The following SNX15 variants were observed in gnomAD, a reference collection of about 807,000 sequenced individuals.
The protein encoded by SNX15 is sorting nexin-15.
In SNX15, 29 loss-of-function variants were observed where a neutral mutation model predicts 35.2. That is an observed-to-expected ratio of 0.82 (90% CI 0.61 to 1.12). SNX15 has a LOEUF of 1.12. SNX15 is among the 50% of genes most tolerant of loss of function. The probability of loss-of-function intolerance (pLI) is 0.00; values close to 1 mark genes in which losing one functional copy is unlikely to be tolerated. For synonymous variants in SNX15, 189 were observed against 188.2 expected (o/e 1.00, Z -0.03); for missense variants, 400 against 451.5 (o/e 0.89, Z 1.03).
chr11:65,034,333 G>A (rs959519592), intron 3 of SNX15, among the ~76,000 whole-genome samples: 20 of 152,246 alleles, frequency 1.3e-4, no homozygotes, highest in African/African-American at 4.6e-4. Context: ...AGGCGGGAGG[G>A]CGGCTTGATC....
intron 7 of SNX15, among the ~76,000 whole-genome samples, 193 bp downstream of exon 7, chr11:65,039,022 TCTTC>T (rs1946537133): frequency 7.3e-6 from 1 of 137,578 alleles, no homozygotes; most frequent in African/African-American, 2.7e-5. Flanking sequence ...TCAGTTTTCT[TCTTC>T]CTCTTTTTTT....
rs1278608656 is a variant in SNX15 at position 65,040,544 on chromosome 11, G to A, written c.*752G>A. ...AGTGAAAATTATATGAAATTTAAGA[G>A]TCCATAAATAAAATTTGTTGGAACA... On this transcript the variant is annotated 3_prime_UTR_variant, in exon 8 of 8. Coordinates refer to ENST00000377244, the MANE Select transcript of SNX15 (RefSeq NM_013306.5). 1.3e-5 allele frequency: 2 copies of A among 152,174 alleles called. No individual in the cohort carries two copies. The highest frequency in any genetic ancestry group is 4.8e-5 in the African/African-American group (2 of 41,422). The allele number at this position is 152,174 out of a possible 1,614,324, so 9.4% of individuals were successfully genotyped here.
chr11:65,031,258 A>C (rs1187442855), intron 1 of SNX15, among the ~76,000 whole-genome samples: 1 of 152,158 alleles, frequency 6.6e-6, no homozygotes, highest in Non-Finnish European at 1.5e-5. Flanking sequence ...TCCTGGACTT[A>C]AGTGCTCTGC....
chr11:65,038,167 CCTATT>C (rs965474980), intron 6 of SNX15: 2 of 649,320 alleles, frequency 3.1e-6, no homozygotes, highest in Admixed American at 6.2e-5. Context: ...CTCTAAGTCT[CCTATT>C]CTAAGATTAT....
chr11:65,029,689 G>C (rs1427091408), intron 1 of SNX15, among the ~76,000 whole-genome samples: 1 of 151,652 alleles, frequency 6.6e-6, no homozygotes, highest in Non-Finnish European at 1.5e-5. Flanking sequence ...CAGTTCTCCT[G>C]CTTCAGCCTC....
chr11:65,032,471 A>T lies in SNX15; in HGVS notation c.176A>T (p.His59Leu). The T allele has an allele frequency of 6.2e-7, 1 of 1,614,190 alleles. No homozygotes were observed. Among genetic ancestry groups the T allele is most frequent in the Non-Finnish European group, 8.5e-7 (1 of 1,180,022 alleles). Residue 59 changes from histidine to leucine, a missense_variant, in exon 3 of 8, where the codon CAT (histidine) becomes CTT (leucine). By Grantham distance (99) the His-to-Leu change is moderately conservative. Transcript: ENST00000377244. ...WKRYSDFRKL[H>L]GDLAYTHRNL... ...CGGTACAGCGACTTCCGCAAGCTGCATGGAGACCTGGCCTACACCCACCGC... is the reference window on the plus strand; with the variant it reads ...CGGTACAGCGACTTCCGCAAGCTGCTTGGAGACCTGGCCTACACCCACCGC...
intron 1 of SNX15, among the ~76,000 whole-genome samples, 188 bp from the exon 2 acceptor site, chr11:65,031,980 G>A (rs930943738): frequency 6.6e-6 from 1 of 152,180 alleles, no homozygotes; most frequent in Non-Finnish European, 1.5e-5. Flanking sequence ...AGAAACTGAG[G>A]TACATAGTAG....
In SNX15 at chr11:65,027,551, C is replaced by A. The variant is rs1413217580; in HGVS notation, c.14C>A (p.Ala5Glu). 1 of 1,613,934 alleles carries A rather than the reference C, an allele frequency of 6.2e-7. No homozygotes were observed. Residue 5 changes from alanine to glutamate, a missense_variant, in exon 1 of 8, where the codon GCG becomes GAG. By Grantham distance (107) the Ala-to-Glu change is moderately radical. Coordinates refer to ENST00000377244, the MANE Select transcript of SNX15 (RefSeq NM_013306.5). The part of the protein sequence containing the change: MSRQ[A>E]KDDFLRHYTV... The stretch of plus-strand genomic sequence containing the variant: ...CAGCTCGGTTTCATGTCCCGCCAGG[C>A]GAAGGATGACTTCCTGCGGCACTAC...
intron 6 of SNX15, chr11:65,036,644 T>C (rs1234521987): frequency 6.6e-6 from 1 of 150,788 alleles, no homozygotes; most frequent in Non-Finnish European, 1.5e-5. Flanking sequence ...CTGAAAGTGC[T>C]GGGATTACGG....
chr11:65,038,563 T>C lies in SNX15; in HGVS notation c.665-9T>C. 2 of 1,522,442 alleles carry C rather than the reference T, an allele frequency of 1.3e-6. No individual in the cohort carries two copies. The highest frequency in any genetic ancestry group is 1.8e-6 in the Non-Finnish European group (2 of 1,137,308). The allele number at this position is 1,522,442 out of a possible 1,614,324, so 94.3% of individuals were successfully genotyped here. ...CAGTCTGGTCCGAGTCCTCCCTTTC[T>C]AACTGCAGAAGGCGCAGCCCCCAGC... On this transcript the variant is annotated splice_polypyrimidine_tract_variant and intron_variant, in intron 6 of 7. Coordinates refer to ENST00000377244, the MANE Select transcript of SNX15 (RefSeq NM_013306.5).
intron 3 of SNX15, among the ~76,000 whole-genome samples, chr11:65,034,365 G>C (rs1590740405): frequency 6.6e-6 from 1 of 152,182 alleles, no homozygotes; most frequent in Admixed American, 6.5e-5. Context: ...AGGTTGCAGT[G>C]AGCTGAGATC....
At chr11:65,031,026 T>G (rs948907154) in intron 1 of SNX15, among the ~76,000 whole-genome samples, 1 of 151,876 alleles carries the variant, frequency 6.6e-6, no homozygotes, top group Non-Finnish European at 1.5e-5. Flanking sequence ...TTTTATTTAT[T>G]TATTTAGTGT....
At chr11:65,038,144 A>G in intron 6 of SNX15, 1 of 466,008 alleles carries the variant, frequency 2.1e-6, no homozygotes, top group Non-Finnish European at 2.8e-6. Flanking sequence ...GGCTTCAGAA[A>G]ACCCCTGAGA....
chr11:65,032,352 C>T, intron 2 of SNX15, 79 bp from the exon 3 acceptor site: 1 of 1,607,958 alleles, frequency 6.2e-7, no homozygotes, highest in Non-Finnish European at 8.5e-7. Context: ...GATCCTCACG[C>T]CCCCTGGGGG....
At chr11:65,030,744 T>C (rs1946431843) in intron 1 of SNX15, among the ~76,000 whole-genome samples, 1 of 151,666 alleles carries the variant, frequency 6.6e-6, no homozygotes, top group African/African-American at 2.4e-5. Context: ...CTCAAGTGAT[T>C]CTCCCACCTC....
chr11:65,036,745 C>G (rs913512573), intron 6 of SNX15: 2 of 149,438 alleles, frequency 1.3e-5, no homozygotes, highest in African/African-American at 4.9e-5. Flanking sequence ...GCGATCTCAG[C>G]TCACTCCCAC....
At position 65,037,340 on chromosome 11, in the gene SNX15, A is replaced by C. The variant is rs892903191; in HGVS notation, c.665-1232A>C. On this transcript the variant is annotated intron_variant, in intron 6 of 7. Transcript: ENST00000377244. ...GCGATCCTCCCACCTCAGCCTCCCAAATAGCTGGGACAGGACCACAGGCAT... is the reference window on the plus strand; with the variant it reads ...GCGATCCTCCCACCTCAGCCTCCCACATAGCTGGGACAGGACCACAGGCAT... 2.5e-4 allele frequency: 38 copies of C among 152,074 alleles called. 1 individual carries two copies. 9.4% of individuals were successfully genotyped at this position (152,074 alleles called of 1,614,324 possible). A position where few individuals can be genotyped will look rare whatever the true frequency, so the allele number is the denominator to read the frequency against.
chr11:65,040,032 C>T lies in SNX15; in HGVS notation c.*240C>T, dbSNP rs968681020. The T allele has an allele frequency of 3.4e-5, 15 of 443,014 alleles. No individual in the cohort carries two copies. The East Asian group carries it at 4.5e-4, about 13-fold the overall frequency. 27.4% of individuals were successfully genotyped at this position (443,014 alleles called of 1,614,324 possible). A position where few individuals can be genotyped will look rare whatever the true frequency, so the allele number is the denominator to read the frequency against. ...TTGGGGTTTTTTTGAGTTGGAGTCT[C>T]GCTGTGTCGCCCAGACTGGAGTGCA... On this transcript the variant is annotated 3_prime_UTR_variant, in exon 8 of 8. Transcript: ENST00000377244.
At chr11:65,039,026 C>CT (rs1946537469) in intron 7 of SNX15, among the ~76,000 whole-genome samples, 197 bp downstream of exon 7, 1 of 80,874 alleles carries the variant, frequency 1.2e-5, no homozygotes, top group African/African-American at 3.8e-5. Flanking sequence ...TTTTCTTCTT[C>CT]CTCTTTTTTT....
Sources: gnomAD v4.1 joint callset for allele counts (sites outside exome capture counted in the v4.1 genomes callset) on GRCh38, gnomAD v4.1.1 for gene constraint, MANE v1.5 for transcripts, NCBI Gene and HGNC (gene_info 2026-07-23, HGNC 2026-07-21) for gene names.